Variants in HIBADH observed in about 807,000 individuals in gnomAD.
HIBADH encodes the protein 3-hydroxyisobutyrate dehydrogenase, mitochondrial.
Under a neutral mutation model 36.1 loss-of-function variants are expected in HIBADH, and 25 were observed. That is an observed-to-expected ratio of 0.69 (90% CI 0.50 to 0.97). The LOEUF (loss-of-function observed/expected upper bound fraction) is 0.97. Ranked by LOEUF, HIBADH falls within the 50% of genes least tolerant of loss-of-function variation. HIBADH has a pLI of 0.00. For missense variants in HIBADH, 421 were observed against 418.0 expected (o/e 1.01, Z -0.06); for synonymous variants, 160 against 149.5 (o/e 1.07, Z -0.51).
chr7:27,573,161 A>AATTAAATGAG (rs1235565544), intron 4 of HIBADH, among the ~76,000 whole-genome samples: 7 of 152,198 alleles, frequency 4.6e-5, no homozygotes, highest in Admixed American at 3.9e-4. Context: ...GAACAAACAA[A>AATTAAATGAG]ACTCCAGATA....
chr7:27,613,009 TC>T (rs1346542677), intron 4 of HIBADH, among the ~76,000 whole-genome samples: 1 of 136,218 alleles, frequency 7.3e-6, no homozygotes, highest in African/African-American at 2.7e-5. Flanking sequence ...GATATATATA[TC>T]CAAAAATATA....
intron 3 of HIBADH, 26 bp downstream of exon 3, chr7:27,632,310 A>G: frequency 7.1e-7 from 1 of 1,405,594 alleles, no homozygotes; most frequent in Non-Finnish European, 1.0e-6. Context: ...ATAACAAGAA[A>G]ATATCCACAG....
intron 2 of HIBADH, 80 bp downstream of exon 2, chr7:27,649,393 C>T (rs1786136314): frequency 8.6e-7 from 1 of 1,161,570 alleles, no homozygotes; most frequent in African/African-American, 1.5e-5. Context: ...GGGTATACTT[C>T]TAAGAAGCTG....
At chr7:27,584,876 C>T (rs1462407896) in intron 4 of HIBADH, among the ~76,000 whole-genome samples, 8 of 151,990 alleles carry the variant, frequency 5.3e-5, no homozygotes, top group Non-Finnish European at 8.8e-5. Context: ...CCTTTTGCAC[C>T]ATGAGTATTA....
At chr7:27,528,011 C>G in intron 7 of HIBADH, among the ~76,000 whole-genome samples, 1 of 148,728 alleles carries the variant, frequency 6.7e-6, no homozygotes, top group East Asian at 2.0e-4. Context: ...GATACACCTG[C>G]CTCGGCCTCC....
chr7:27,622,314 A>G (rs11762342), intron 4 of HIBADH, among the ~76,000 whole-genome samples: 108,982 of 152,032 alleles, frequency 0.72, 39,196 homozygotes, highest in East Asian at 0.94. Context: ...GAAAACAGAA[A>G]CACAACATAC....
chr7:27,542,559 C>T (rs1259808719), intron 5 of HIBADH, among the ~76,000 whole-genome samples: 1 of 151,148 alleles, frequency 6.6e-6, no homozygotes, highest in Admixed American at 6.6e-5. Flanking sequence ...TCAGGTGATC[C>T]CCCCACCTCA....
At chr7:27,576,915 C>G (rs1030722415) in intron 4 of HIBADH, among the ~76,000 whole-genome samples, 1 of 152,150 alleles carries the variant, frequency 6.6e-6, no homozygotes, top group Admixed American at 6.5e-5. Context: ...ATGCTACTAT[C>G]TATTCACTGC....
At chr7:27,546,906 G>A (rs752323491) in intron 4 of HIBADH, among the ~76,000 whole-genome samples, 2 of 152,154 alleles carry the variant, frequency 1.3e-5, no homozygotes, top group Non-Finnish European at 2.9e-5. Context: ...TACTGCAATA[G>A]TCTCCTACTT....
At chr7:27,527,948 A>G (rs1783935991) in intron 7 of HIBADH, among the ~76,000 whole-genome samples, 1 of 43,544 alleles carries the variant, frequency 2.3e-5, no homozygotes, top group South Asian at 5.7e-4. Flanking sequence ...TTTTTAGTAG[A>G]GACAGGGTTT....
chr7:27,593,168 A>T (rs1003938014), intron 4 of HIBADH, among the ~76,000 whole-genome samples: 2 of 152,196 alleles, frequency 1.3e-5, no homozygotes, highest in South Asian at 4.1e-4. Flanking sequence ...CAGTCCAAAA[A>T]TCTGAAATCC....
intron 1 of HIBADH, among the ~76,000 whole-genome samples, chr7:27,658,065 T>C (rs948160927): frequency 2.0e-5 from 3 of 151,960 alleles, no homozygotes; most frequent in Non-Finnish European, 4.4e-5. Context: ...AAAGTATAGA[T>C]GACTGTAGGA....
intron 4 of HIBADH, among the ~76,000 whole-genome samples, chr7:27,622,860 T>G (rs1785570022): frequency 6.6e-6 from 1 of 152,186 alleles, no homozygotes; most frequent in African/African-American, 2.4e-5. Context: ...CTAATCTTTT[T>G]GAAACTATTC....
chr7:27,638,308 C>CAAAAACAAAA (rs1785885375), intron 2 of HIBADH, among the ~76,000 whole-genome samples: 1 of 55,472 alleles, frequency 1.8e-5, no homozygotes, highest in Non-Finnish European at 3.2e-5. Context: ...TTGGCAAAGT[C>CAAAAACAAAA]AAAAAAAAAA....
intron 4 of HIBADH, among the ~76,000 whole-genome samples, chr7:27,550,662 A>T (rs1436906052): frequency 6.6e-6 from 1 of 152,020 alleles, no homozygotes; most frequent in Non-Finnish European, 1.5e-5. Flanking sequence ...CCCTTTCTCT[A>T]TTCTTAAAAC....
chr7:27,609,751 T>C (rs1021002238), intron 4 of HIBADH, among the ~76,000 whole-genome samples: 1 of 152,216 alleles, frequency 6.6e-6, no homozygotes, highest in South Asian at 2.1e-4. Context: ...GTCAACGCAC[T>C]AAGTACTTTA....
intron 4 of HIBADH, among the ~76,000 whole-genome samples, chr7:27,578,379 G>A (rs1023967529): frequency 2.0e-5 from 3 of 151,438 alleles, no homozygotes; most frequent in Admixed American, 6.6e-5. Flanking sequence ...GCAGTGGCAC[G>A]ATCTCAGCTC....
chr7:27,529,960 A>G (rs1024505354), intron 7 of HIBADH, among the ~76,000 whole-genome samples: 2 of 152,220 alleles, frequency 1.3e-5, no homozygotes, highest in African/African-American at 4.8e-5. Context: ...AAAGGACTAT[A>G]TGACTCACTG....
At chr7:27,635,086 ATG>A (rs3072901) in intron 2 of HIBADH, among the ~76,000 whole-genome samples, 28 of 149,736 alleles carry the variant, frequency 1.9e-4, no homozygotes, top group Non-Finnish European at 3.1e-4. Context: ...CTCTCTGTGC[ATG>A]TGTGTGTGTG....
Sources: gnomAD v4.1 joint callset for allele counts (sites outside exome capture counted in the v4.1 genomes callset) on GRCh38, gnomAD v4.1.1 for gene constraint, MANE v1.5 for transcripts, NCBI Gene and HGNC (gene_info 2026-07-23, HGNC 2026-07-21) for gene names.